NCOA2: variants seen among roughly 807,000 people sequenced by gnomAD.
The protein encoded by NCOA2 is nuclear receptor coactivator 2.
In NCOA2, 21 loss-of-function variants were observed where a neutral mutation model predicts 145.1. That is an observed-to-expected ratio of 0.14 (90% CI 0.10 to 0.21). The LOEUF (loss-of-function observed/expected upper bound fraction) is 0.21, where lower values mean the gene tolerates loss of function less well. NCOA2 is among the 10% of genes least tolerant of loss of function. The pLI, the probability that NCOA2 is intolerant of heterozygous loss-of-function variation, is 1.00. For missense variants in NCOA2, 1,472 were observed against 1,837.6 expected (o/e 0.80, Z 3.64); for synonymous variants, 619 against 637.5 (o/e 0.97, Z 0.44).
intron 13 of NCOA2, among the ~76,000 whole-genome samples, chr8:70,141,686 C>T (rs932267839): frequency 6.6e-6 from 1 of 152,162 alleles, no homozygotes; most frequent in Non-Finnish European, 1.5e-5. Context: ...TGGATAACCC[C>T]AACTTCCTTC....
At chr8:70,450,573 C>CTTTTTTTTTTTTTT in the NCOA2 span, among the ~76,000 whole-genome samples, 89 of 94,624 alleles carry the variant, frequency 9.4e-4, 5 homozygotes, top group African/African-American at 1.6e-3. Context: ...TCTTTTTATT[C>CTTTTTTTTTTTTTT]TTTTTTTTTT....
intron 1 of NCOA2, among the ~76,000 whole-genome samples, chr8:70,319,240 T>A (rs1449324823): frequency 6.6e-6 from 1 of 152,040 alleles, no homozygotes; most frequent in South Asian, 2.1e-4. Flanking sequence ...GTTTCTGAAA[T>A]TTATAAAGAG....
chr8:70,303,051 G>T (rs1827626398), intron 1 of NCOA2, among the ~76,000 whole-genome samples: 1 of 152,114 alleles, frequency 6.6e-6, no homozygotes, highest in Non-Finnish European at 1.5e-5. Context: ...CAGCAACTCT[G>T]TAAAGACTAG....
chr8:70,456,419 C>T, the NCOA2 span, among the ~76,000 whole-genome samples: 1 of 152,098 alleles, frequency 6.6e-6, no homozygotes, highest in Admixed American at 6.6e-5. Context: ...AAGCGCCGGA[C>T]GTTGTTGAGA....
rs774576238 is a variant in NCOA2 at position 70,335,155 on chromosome 8, A to AAAAAAT, written c.-76-38356_-76-38355insATTTTT. Among the ~76,000 whole-genome samples the AAAAAAT allele has an allele frequency of 2.4e-4, 28 of 115,386 alleles. 3 individuals are homozygous for AAAAAAT. The highest frequency in any genetic ancestry group is 5.5e-4 in the East Asian group (2 of 3,664). 75.7% of individuals were successfully genotyped at this position (115,386 alleles called of 152,430 possible). A position where few individuals can be genotyped will look rare whatever the true frequency, so the allele number is the denominator to read the frequency against. On this transcript the variant is annotated intron_variant, in intron 1 of 22. Coordinates refer to ENST00000452400, the MANE Select transcript of NCOA2 (RefSeq NM_006540.4). ...AAAAAAAAAAAAAAAAAAAAAAAAG[A>AAAAAAT]TCTCTCCCTATGACCATTTTCTCAG...
At chr8:70,382,714 G>A (rs1209061320) in intron 1 of NCOA2, among the ~76,000 whole-genome samples, 1 of 152,168 alleles carries the variant, frequency 6.6e-6, no homozygotes, top group Non-Finnish European at 1.5e-5. Context: ...ATCAATTGGT[G>A]GGTACCAATT....
At chr8:70,132,107 T>C (rs970228946) in intron 15 of NCOA2, 105 bp from the exon 16 acceptor site, 68 of 1,148,172 alleles carry the variant, frequency 5.9e-5, no homozygotes, top group Middle Eastern at 2.0e-4. Flanking sequence ...CCAGGGTTGT[T>C]GCAACAAACT....
At chr8:70,369,613 C>T (rs1443754984) in intron 1 of NCOA2, among the ~76,000 whole-genome samples, 1 of 149,822 alleles carries the variant, frequency 6.7e-6, no homozygotes, top group Non-Finnish European at 1.5e-5. Context: ...CATCATCCTT[C>T]GATTTAGATC....
chr8:70,128,378 G>T, intron 18 of NCOA2, 55 bp downstream of exon 18: 1 of 1,470,956 alleles, frequency 6.8e-7, no homozygotes, highest in South Asian at 1.2e-5. Flanking sequence ...AGGAAGAAAT[G>T]ACAAAAGCAG....
chr8:70,167,478 C>CA (rs1257251347), intron 6 of NCOA2, among the ~76,000 whole-genome samples: 1 of 152,184 alleles, frequency 6.6e-6, no homozygotes, highest in Non-Finnish European at 1.5e-5. Flanking sequence ...AGGTCCTCTA[C>CA]AATCAATACT....
intron 2 of NCOA2, among the ~76,000 whole-genome samples, chr8:70,254,062 G>A (rs570588346): frequency 6.6e-6 from 1 of 152,198 alleles, no homozygotes; most frequent in East Asian, 1.9e-4. Context: ...CAAGGAATCT[G>A]ATTTAAAAAC....
intron 1 of NCOA2, among the ~76,000 whole-genome samples, chr8:70,315,003 C>T (rs1384531389): frequency 6.6e-6 from 1 of 152,054 alleles, no homozygotes; most frequent in Non-Finnish European, 1.5e-5. Flanking sequence ...CCAACATGTT[C>T]AATAAAATAC....
At chr8:70,392,762 C>A (rs1180823618) in intron 1 of NCOA2, among the ~76,000 whole-genome samples, 1 of 152,168 alleles carries the variant, frequency 6.6e-6, no homozygotes, top group East Asian at 1.9e-4. Context: ...ACTATTAATC[C>A]CTCTTCTCAC....
intron 1 of NCOA2, 142 bp from the exon 2 acceptor site, chr8:70,296,942 A>G (rs1827134156): frequency 6.6e-6 from 1 of 152,252 alleles, no homozygotes; most frequent in Non-Finnish European, 1.5e-5. Context: ...CATTAATAAC[A>G]TCTCTTATTA....
At chr8:70,165,396 T>C (rs1403507139) in intron 7 of NCOA2, among the ~76,000 whole-genome samples, 1 of 152,214 alleles carries the variant, frequency 6.6e-6, no homozygotes, top group African/African-American at 2.4e-5. Flanking sequence ...GATAATAAAC[T>C]GTTGCTCAGA....
intron 2 of NCOA2, among the ~76,000 whole-genome samples, chr8:70,278,527 TC>T (rs768003229): frequency 6.6e-6 from 1 of 152,066 alleles, no homozygotes; most frequent in Non-Finnish European, 1.5e-5. Context: ...GTCAGTCACT[TC>T]CTAGAATCCG....
At chr8:70,178,653 C>G (rs963256858) in intron 4 of NCOA2, among the ~76,000 whole-genome samples, 1 of 152,172 alleles carries the variant, frequency 6.6e-6, no homozygotes, top group Non-Finnish European at 1.5e-5. Context: ...AGTATACAAC[C>G]CAACCAAATG....
chr8:70,241,152 C>T (rs185658345), intron 2 of NCOA2, among the ~76,000 whole-genome samples: 1 of 152,034 alleles, frequency 6.6e-6, no homozygotes, highest in East Asian at 1.9e-4. Context: ...GTTTTTATAC[C>T]TGAATGCTCC....
At chr8:70,207,978 G>A (rs4737301) in intron 4 of NCOA2, among the ~76,000 whole-genome samples, 91,361 of 151,616 alleles carry the variant, frequency 0.6, 30,761 homozygotes, top group Non-Finnish European at 0.76. Context: ...ACAGCTGGAC[G>A]TGGTGACTCA....
Sources: gnomAD v4.1 joint callset for allele counts (sites outside exome capture counted in the v4.1 genomes callset) on GRCh38, gnomAD v4.1.1 for gene constraint, MANE v1.5 for transcripts, NCBI Gene and HGNC (gene_info 2026-07-23, HGNC 2026-07-21) for gene names.